Variants in SLC35B1 observed in about 807,000 individuals in gnomAD.
SLC35B1 encodes ATP/ADP exchanger ER.
Under a neutral mutation model 36.6 loss-of-function variants are expected in SLC35B1, and 27 were observed. The ratio of observed to expected loss-of-function variants is 0.74; its 90% CI spans 0.54 to 1.02. The LOEUF (loss-of-function observed/expected upper bound fraction) is 1.02. SLC35B1 is among the 50% of genes least tolerant of loss of function. The pLI, the probability that SLC35B1 is intolerant of heterozygous loss-of-function variation, is 0.00. For missense variants in SLC35B1, 321 were observed against 383.2 expected (o/e 0.84, Z 1.35); for synonymous variants, 162 against 152.5 (o/e 1.06, Z -0.46).
intron 1 of SLC35B1, 103 bp from the exon 2 acceptor site, chr17:49,707,171 C>A: frequency 7.4e-7 from 1 of 1,346,040 alleles, no homozygotes; most frequent in Non-Finnish European, 1.0e-6. Context: ...TATCTTGCCT[C>A]TCTGGATGTA....
Position 49,705,133 on chromosome 17 carries a change from C to T in SLC35B1, c.519G>A (p.Glu173=), listed in dbSNP as rs2073398451. Residue 173 remains glutamate (E), a synonymous_variant, in exon 5 of 9, where the codon GAG becomes GAA. Coordinates refer to ENST00000240333, the MANE Select transcript of SLC35B1 (RefSeq NM_005827.4). Reference sequence around the variant, plus strand: ...CAACAGGATCTCATACCAAGAGTAGCTCTCCATAGCCGACTGTGTGTTCTT... The same window carrying T: ...CAACAGGATCTCATACCAAGAGTAGTTCTCCATAGCCGACTGTGTGTTCTT... ...GIEEHTVGYG[E]LLLLLSLTLD... The T allele has an allele frequency of 8.7e-6, 14 of 1,614,024 alleles. No homozygotes were observed. The highest frequency in any genetic ancestry group is 1.2e-5 in the Non-Finnish European group (14 of 1,179,954).
chr17:49,706,541 G>C (rs1187442474), intron 2 of SLC35B1, among the ~76,000 whole-genome samples: 1 of 152,096 alleles, frequency 6.6e-6, no homozygotes, highest in African/African-American at 2.4e-5. Flanking sequence ...TTCTACCTAA[G>C]CCCAACAAAA....
At chr17:49,702,550 C>G (rs1361827184) in intron 8 of SLC35B1, 1 of 228,024 alleles carries the variant, frequency 4.4e-6, no homozygotes, top group Non-Finnish European at 8.9e-6. Flanking sequence ...CTGACCAACA[C>G]GGAGAAACCC....
At chr17:49,701,670 A>G in intron 8 of SLC35B1, 160 bp from the exon 9 acceptor site, 2 of 605,502 alleles carry the variant, frequency 3.3e-6, no homozygotes, top group South Asian at 2.0e-5. Flanking sequence ...CAGAGACAAG[A>G]GAATGGCACC....
At chr17:49,707,396 A>G (rs2073432878) in intron 1 of SLC35B1, 2 of 1,433,604 alleles carry the variant, frequency 1.4e-6, no homozygotes, top group East Asian at 3.2e-5. Context: ...GAGGACGAAT[A>G]GGTTGTTTGC....
At position 49,702,840 on chromosome 17, in the gene SLC35B1, C is replaced by G. The variant is rs114814186; in HGVS notation, c.916+18G>C. ...AGAAAAAATTCAGCTGTCACTGTGT[C>G]TCTGTGTGGCCACTTACCCAGGAAC... On this transcript the variant is annotated intron_variant, in intron 8 of 8. Transcript: ENST00000240333. The G allele has an allele frequency of 1.8e-3, 2,940 of 1,608,020 alleles. 42 individuals are homozygous for G. The African/African-American group carries it at 0.034, about 19-fold the overall frequency.
chr17:49,705,666 C>T (rs759278200), intron 4 of SLC35B1, 200 bp downstream of exon 4: 19 of 647,428 alleles, frequency 2.9e-5, no homozygotes, highest in African/African-American at 9.0e-5. Context: ...CAGCCTTTAG[C>T]TCCTATTAAG....
At chr17:49,707,459 G>T (rs1182910885) in intron 1 of SLC35B1, 3 of 1,473,804 alleles carry the variant, frequency 2.0e-6, no homozygotes, top group South Asian at 1.2e-5. Context: ...TTGAGGAATA[G>T]AAGTCTCAGC....
At position 49,707,086 on chromosome 17, in the gene SLC35B1, G is replaced by GAAA. The variant is rs754432002; in HGVS notation, c.105-19_105-18insTTT. The stretch of plus-strand genomic sequence containing the variant: ...CTCTTGTTCTAGAAATGAAATGCAT[G>GAAA]AGAAAAGAGGGAGAAATTAGTGTAT... On this transcript the variant is annotated intron_variant, in intron 1 of 8. Transcript: ENST00000240333. 1 of 1,577,948 alleles carries GAAA rather than the reference G, an allele frequency of 6.3e-7. No individual in the cohort carries two copies. The highest frequency in any genetic ancestry group is 8.7e-7 in the Non-Finnish European group (1 of 1,147,760).
At chr17:49,703,661 T>C in intron 6 of SLC35B1, 2 of 343,336 alleles carry the variant, frequency 5.8e-6, no homozygotes, top group Non-Finnish European at 1.1e-5. Context: ...GCCTCCACCA[T>C]TAACCCCAGT....
chr17:49,705,483 G>A, intron 4 of SLC35B1: 1 of 604,464 alleles, frequency 1.7e-6, no homozygotes, highest in Non-Finnish European at 2.9e-6. Context: ...CAGGGAGGAG[G>A]TAGAGAACAA....
intron 4 of SLC35B1, 139 bp from the exon 5 acceptor site, chr17:49,705,420 G>A: frequency 1.2e-6 from 1 of 868,978 alleles, no homozygotes; most frequent in South Asian, 1.8e-5. Context: ...GACAAAAGGA[G>A]GGTGCCAGGC....
At chr17:49,705,746 A>T in intron 4 of SLC35B1, 120 bp downstream of exon 4, 1 of 933,226 alleles carries the variant, frequency 1.1e-6, no homozygotes, top group East Asian at 2.4e-5. Context: ...GAGCTGGGGG[A>T]AAGTCCCTGG....
Position 49,707,056 on chromosome 17 carries a change from C to T in SLC35B1, c.117G>A (p.Lys39=), listed in dbSNP as rs1326409399. 6 of 1,613,266 alleles carry T rather than the reference C, an allele frequency of 3.7e-6. No homozygotes were observed. The highest frequency in any genetic ancestry group is 1.1e-5 in the South Asian group (1 of 91,080). ...GILQEKITRG[K]YGEGAKQETF... ...TCTCCTGCTTGGCTCCTTCCCCATA[C>T]TTTCCTCTTGTTCTAGAAATGAAAT... The change falls in exon 2 of 9, where the codon AAG becomes AAA. Residue 39 remains lysine, a synonymous_variant. Coordinates refer to ENST00000240333, the MANE Select transcript of SLC35B1 (RefSeq NM_005827.4).
At chr17:49,706,559 T>G (rs547678601) in intron 2 of SLC35B1, among the ~76,000 whole-genome samples, 2 of 152,168 alleles carry the variant, frequency 1.3e-5, no homozygotes, top group East Asian at 3.9e-4. Flanking sequence ...AAAGACCACA[T>G]GCAGGGTGGA....
In SLC35B1 at chr17:49,707,865, C is replaced by T; in HGVS notation, c.-32G>A. 6.2e-7 allele frequency: 1 copy of T among 1,610,030 alleles called. No individual in the cohort carries two copies. Among genetic ancestry groups the T allele is most frequent in the South Asian group, 1.1e-5 (1 of 90,842 alleles). On this transcript the variant is annotated 5_prime_UTR_variant, in exon 1 of 9. Transcript: ENST00000240333. Reference sequence around the variant, plus strand: ...CCCAGAGGAGCCGACTGGAGACCCGCTCACAACCGGCACCGGCAGCAGCGG... The same window carrying T: ...CCCAGAGGAGCCGACTGGAGACCCGTTCACAACCGGCACCGGCAGCAGCGG...
intron 8 of SLC35B1, chr17:49,701,890 G>T: frequency 2.7e-6 from 1 of 375,282 alleles, no homozygotes; most frequent in South Asian, 2.0e-5. Context: ...AGGAGTTTAA[G>T]GCCAGCCTAG....
At chr17:49,701,574 GT>G in intron 8 of SLC35B1, 64 bp from the exon 9 acceptor site, 1 of 1,395,686 alleles carries the variant, frequency 7.2e-7, no homozygotes, top group South Asian at 1.2e-5. Flanking sequence ...AATGATTGTG[GT>G]GGGGTGGGGT....
intron 1 of SLC35B1, 43 bp downstream of exon 1, chr17:49,707,667 AAGGCCCGGGATCCCTGTCAC>A: frequency 6.4e-7 from 1 of 1,559,174 alleles, no homozygotes. Flanking sequence ...CCAGAGGCAG[AAGGCCCGGGATCCCTGTCAC>A]AGGCTGGGGA....
Sources: allele counts gnomAD v4.1 joint callset (sites outside exome capture counted in the v4.1 genomes callset), GRCh38; gene constraint gnomAD v4.1.1; transcripts MANE v1.5; gene names NCBI Gene and HGNC (gene_info 2026-07-23, HGNC 2026-07-21).